PCDH19: variants seen among roughly 807,000 people sequenced by gnomAD.
PCDH19 encodes the protein protocadherin 19, also known as protocadherin-19.
A neutral mutation model predicts 46.2 loss-of-function variants in PCDH19; 6 were observed. That is an observed-to-expected ratio of 0.13 (90% CI 0.07 to 0.26). The LOEUF is 0.26. Ranked by LOEUF, PCDH19 falls within the 10% of genes least tolerant of loss-of-function variation. The pLI, the probability that PCDH19 is intolerant of heterozygous loss-of-function variation, is 1.00. For synonymous variants in PCDH19, 481 were observed against 415.7 expected (o/e 1.16, Z -1.91); for missense variants, 740 against 972.3 (o/e 0.76, Z 3.18).
At chrX:100,297,854 A>C (rs1245671178) in intron 5 of PCDH19, among the ~76,000 whole-genome samples, 3 of 111,057 alleles carry the variant, frequency 2.7e-5, no homozygotes, top group African/African-American at 9.8e-5. Flanking sequence ...AAAACTGTTA[A>C]TCTCAATGTT....
In PCDH19 at chrX:100,408,014, C is replaced by A; in HGVS notation, c.584G>T (p.Ser195Ile). Residue 195 changes from serine (S) to isoleucine (I), a missense_variant, in exon 1 of 6, where the codon AGC becomes ATC. Ser to Ile is a moderately radical substitution (Grantham distance 142, BLOSUM62 -2). Coordinates refer to ENST00000373034, the MANE Select transcript of PCDH19 (RefSeq NM_001184880.2). Reference sequence around the variant, plus strand: ...GTGCGACTGCGTCTCGCGGTCCAGGCTCTTTTCCACCACGAGTTCGGCAAA... The same window carrying A: ...GTGCGACTGCGTCTCGCGGTCCAGGATCTTTTCCACCACGAGTTCGGCAAA... The part of the protein sequence containing the change: ...SRFAELVVEK[S>I]LDRETQSHYS... The A allele has an allele frequency of 8.3e-7, 1 of 1,208,192 alleles. No homozygotes were observed. The highest frequency in any genetic ancestry group is 1.1e-6 in the Non-Finnish European group (1 of 895,603).
chrX:100,345,752 T>G (rs1926380405), intron 4 of PCDH19, among the ~76,000 whole-genome samples: 1 of 111,816 alleles, frequency 8.9e-6, no homozygotes, highest in African/African-American at 3.2e-5. Context: ...AAGCAAGGTA[T>G]AACAACTCCC....
At chrX:100,362,636 A>G (rs1187881874) in intron 3 of PCDH19, among the ~76,000 whole-genome samples, 1 of 107,583 alleles carries the variant, frequency 9.3e-6, no homozygotes, top group Non-Finnish European at 1.9e-5. Context: ...TACTAAAAAT[A>G]CAAAAAAAAA....
At chrX:100,381,118 A>T (rs766669788) in intron 3 of PCDH19, among the ~76,000 whole-genome samples, 1 of 112,095 alleles carries the variant, frequency 8.9e-6, no homozygotes, top group Non-Finnish European at 1.9e-5. Context: ...ACAAAACTGT[A>T]CTCTGTGAGC....
intron 3 of PCDH19, among the ~76,000 whole-genome samples, chrX:100,353,813 T>C (rs774095560): frequency 7.2e-5 from 8 of 111,664 alleles, no homozygotes; most frequent in Non-Finnish European, 1.5e-4. Flanking sequence ...TGAAAATATA[T>C]CATTCCCCCA....
At chrX:100,332,620 G>C (rs769569809) in intron 5 of PCDH19, among the ~76,000 whole-genome samples, 19 of 110,863 alleles carry the variant, frequency 1.7e-4, no homozygotes, top group African/African-American at 5.6e-4. Context: ...AAAATAAACA[G>C]AAAAAAATAC....
At chrX:100,401,266 C>G (rs1356182764) in intron 3 of PCDH19, among the ~76,000 whole-genome samples, 3 of 111,952 alleles carry the variant, frequency 2.7e-5, no homozygotes, top group African/African-American at 9.8e-5. Flanking sequence ...GCCTTCCTCC[C>G]AGCCACCCAC....
chrX:100,330,895 T>C (rs1371772383), intron 5 of PCDH19, among the ~76,000 whole-genome samples: 1 of 112,239 alleles, frequency 8.9e-6, no homozygotes, highest in Non-Finnish European at 1.9e-5. Context: ...TAAACTGTCA[T>C]GAAGGATAAT....
chrX:100,354,744 C>T (rs1926665090), intron 3 of PCDH19, among the ~76,000 whole-genome samples: 1 of 110,861 alleles, frequency 9.0e-6, no homozygotes, highest in African/African-American at 3.3e-5. Flanking sequence ...TCAAAATTTG[C>T]TTGACATTAT....
At chrX:100,403,450 AC>A (rs1201512151) in intron 2 of PCDH19, 73 bp downstream of exon 2, 6 of 1,059,638 alleles carry the variant, frequency 5.7e-6, no homozygotes, top group African/African-American at 3.9e-5. Flanking sequence ...CCTTTTACTC[AC>A]CCCCCGACCC....
chrX:100,344,091 A>G (rs5967120), intron 4 of PCDH19, among the ~76,000 whole-genome samples: 7,669 of 112,031 alleles, frequency 0.068, 265 homozygotes, highest in African/African-American at 0.13. Context: ...AGCCATAATT[A>G]TAAGAAAATG....
intron 3 of PCDH19, among the ~76,000 whole-genome samples, chrX:100,379,358 C>T (rs1197201237): frequency 9.3e-6 from 1 of 107,220 alleles, no homozygotes; most frequent in African/African-American, 3.3e-5. Context: ...CATTTCCTCC[C>T]AGCTCTCAGG....
At chrX:100,337,403 A>G (rs1926120340) in intron 5 of PCDH19, among the ~76,000 whole-genome samples, 1 of 112,526 alleles carries the variant, frequency 8.9e-6, no homozygotes, top group Admixed American at 9.4e-5. Context: ...ACAATACACC[A>G]GTAGAAAGCA....
intron 3 of PCDH19, among the ~76,000 whole-genome samples, chrX:100,401,137 T>A (rs868756868): frequency 4.5e-5 from 5 of 112,043 alleles, no homozygotes; most frequent in Non-Finnish European, 5.6e-5. Flanking sequence ...GTATGCAGTA[T>A]TCTTTTCGCT....
rs752424355 is a variant in PCDH19, at chrX:100,402,541, C to T, written c.2599G>A (p.Gly867Ser). 3 of 1,210,761 alleles carry T rather than the reference C, an allele frequency of 2.5e-6. No homozygotes were observed. Among genetic ancestry groups the T allele is most frequent in the Non-Finnish European group, 3.4e-6 (3 of 894,569 alleles). ...GPQQPDLIINGVPLPETENYS... is the reference protein window; with the variant it reads ...GPQQPDLIINSVPLPETENYS... ...GCACTCACCTCAGGCAGAGGCACAC[C>T]GTTGATAATCAGGTCAGGCTGCTGG... The change falls in exon 3 of 6, where the codon GGT (glycine) becomes AGT (serine). Residue 867 changes from glycine (G) to serine (S), a missense_variant. Gly to Ser is a moderately conservative substitution (Grantham distance 56). This residue lies in a region of PCDH19 where 416 missense variants were observed against 476.8 expected (regional missense o/e 0.87). Transcript: ENST00000373034.
intron 3 of PCDH19, among the ~76,000 whole-genome samples, chrX:100,385,875 C>T (rs1256530559): frequency 9.1e-6 from 1 of 110,407 alleles, no homozygotes; most frequent in Non-Finnish European, 1.9e-5. Flanking sequence ...GCCTGGGTGA[C>T]AGAGTGAGAC....
At chrX:100,313,412 T>C (rs1037124712) in intron 5 of PCDH19, among the ~76,000 whole-genome samples, 1 of 111,523 alleles carries the variant, frequency 9.0e-6, no homozygotes, top group Non-Finnish European at 1.9e-5. Context: ...AATTCGGCAG[T>C]TATAAGAGGA....
intron 5 of PCDH19, among the ~76,000 whole-genome samples, chrX:100,305,290 A>G (rs1321044999): frequency 1.1e-5 from 1 of 89,049 alleles, no homozygotes; most frequent in African/African-American, 3.3e-5. Context: ...AAATGAAACA[A>G]TTATCAGCCA....
rs769984185 is a variant in PCDH19, at chrX:100,323,894, C to T, written c.2848+18009G>A. On this transcript the variant is annotated intron_variant, in intron 5 of 5. Transcript: ENST00000373034. The stretch of plus-strand genomic sequence containing the variant: ...AAAGCAGGGAGGGTTGGAGAAAGAA[C>T]TAAATAAGAAGCATCAGGGGAAAAA... 1.1e-4 allele frequency among the ~76,000 whole-genome samples: 12 copies of T among 111,039 alleles called. 1 individual carries two copies. The highest frequency in any genetic ancestry group is 3.8e-4 in the Admixed American group (4 of 10,396).
Sources: allele counts gnomAD v4.1 joint callset (sites outside exome capture counted in the v4.1 genomes callset), GRCh38; gene constraint gnomAD v4.1.1; regional missense constraint gnomAD v4.1.1; transcripts MANE v1.5; gene names NCBI Gene and HGNC (gene_info 2026-07-23, HGNC 2026-07-21).